RAI1: variants seen among roughly 807,000 people sequenced by gnomAD.
The protein encoded by RAI1 is retinoic acid induced 1, also known as retinoic acid-induced protein 1.
In RAI1, 9 loss-of-function variants were observed where a neutral mutation model predicts 123.8. The observed-to-expected ratio is 0.07, with a 90% CI of 0.04 to 0.13. The LOEUF is 0.13. RAI1 is among the 10% of genes least tolerant of loss of function. RAI1 has a pLI of 1.00. For synonymous variants in RAI1, 1,231 were observed against 1,127.3 expected, an observed-to-expected ratio of 1.09 and a Z score of -1.84; for missense variants, 2,256 against 2,545.8, an observed-to-expected ratio of 0.89 and a Z score of 2.45.
At chr17:17,779,229 T>A in intron 2 of RAI1, 1 of 322,400 alleles carries the variant, frequency 3.1e-6, no homozygotes, top group Non-Finnish European at 6.1e-6. Flanking sequence ...GGCTGGCTGG[T>A]GGCTGGCTCT....
intron 2 of RAI1, among the ~76,000 whole-genome samples, chr17:17,750,835 G>A (rs1295968162): frequency 6.6e-6 from 1 of 152,172 alleles, no homozygotes; most frequent in Non-Finnish European, 1.5e-5. Flanking sequence ...AGAAATTTAT[G>A]CGGGCTGAGC....
Position 17,793,576 on chromosome 17 carries a change from C to G in RAI1, c.628C>G (p.Pro210Ala). ...PLPFPQGTHF[P>A]QHSQSFPTSS... Reference sequence around the variant, plus strand: ...GCCCTTCCCCCAGGGTACCCACTTTCCTCAGCATTCCCAGTCCTTCCCCAC... The same window carrying G: ...GCCCTTCCCCCAGGGTACCCACTTTGCTCAGCATTCCCAGTCCTTCCCCAC... The change falls in exon 3 of 6, where the codon CCT becomes GCT. Residue 210 changes from proline (P) to alanine (A), a missense_variant. Physicochemically the swap from Pro to Ala is conservative, Grantham distance 27. Transcript: ENST00000353383. 1.2e-6 allele frequency: 2 copies of G among 1,613,904 alleles called. No homozygotes were observed. The highest frequency in any genetic ancestry group is 8.5e-7 in the Non-Finnish European group (1 of 1,180,004).
chr17:17,718,936 C>A (rs778112532), intron 1 of RAI1, among the ~76,000 whole-genome samples: 25 of 152,188 alleles, frequency 1.6e-4, no homozygotes, highest in Non-Finnish European at 1.2e-4. Flanking sequence ...CTCCCACCAG[C>A]CCCACTAGCA....
chr17:17,783,617 T>G (rs1476746260), intron 2 of RAI1, among the ~76,000 whole-genome samples: 1 of 152,092 alleles, frequency 6.6e-6, no homozygotes, highest in Non-Finnish European at 1.5e-5. Context: ...GCTGCAGGAC[T>G]CCAGGCGCCG....
chr17:17,791,595 G>A (rs888391837), intron 2 of RAI1, among the ~76,000 whole-genome samples: 1 of 152,176 alleles, frequency 6.6e-6, no homozygotes, highest in Non-Finnish European at 1.5e-5. Context: ...ATCCCCTCCT[G>A]GGGGCCTGGG....
At chr17:17,684,161 C>T (rs1914541209) in intron 1 of RAI1, 1 of 152,148 alleles carries the variant, frequency 6.6e-6, no homozygotes. Context: ...GAGTGAGTCA[C>T]TGCACCCAGC....
At chr17:17,772,348 G>A (rs1215568527) in intron 2 of RAI1, among the ~76,000 whole-genome samples, 4 of 152,186 alleles carry the variant, frequency 2.6e-5, no homozygotes, top group African/African-American at 9.7e-5. Context: ...CTGGGGGACA[G>A]TCCCAGCTTC....
chr17:17,692,356 C>T (rs549040278), intron 1 of RAI1, among the ~76,000 whole-genome samples: 1 of 152,352 alleles, frequency 6.6e-6, no homozygotes, highest in Admixed American at 6.5e-5. Flanking sequence ...ATATCTGTCT[C>T]TTTGGATGCT....
In RAI1 at chr17:17,791,849, C is replaced by CCCCAA. The variant is rs2032022438; in HGVS notation, c.-16-1083_-16-1082insCCAAC. Among the ~76,000 whole-genome samples, 6 of 152,256 alleles carry CCCCAA rather than the reference C, an allele frequency of 3.9e-5. No individual in the cohort carries two copies. The South Asian group carries it at 1.2e-3, about 32-fold the overall frequency. On this transcript the variant is annotated intron_variant, in intron 2 of 5. Transcript: ENST00000353383. ...TCAGATGCTCTGCTCTGAGAGGCTCCCGCAACCCACCCTGGGTCCTTTCCT... is the reference window on the plus strand; with the variant it reads ...TCAGATGCTCTGCTCTGAGAGGCTCCCCCAACGCAACCCACCCTGGGTCCTTTCCT...
intron 2 of RAI1, among the ~76,000 whole-genome samples, chr17:17,747,822 T>C (rs2029985512): frequency 6.6e-6 from 1 of 152,158 alleles, no homozygotes; most frequent in Non-Finnish European, 1.5e-5. Context: ...CCCAGTGCTT[T>C]GGGAGGTAGA....
intron 2 of RAI1, among the ~76,000 whole-genome samples, chr17:17,767,922 T>C (rs918233080): frequency 2.6e-5 from 4 of 152,228 alleles, no homozygotes; most frequent in Non-Finnish European, 5.9e-5. Flanking sequence ...ACTCCAGCCT[T>C]GAGCACTTTC....
In RAI1 at chr17:17,795,212, G is replaced by T. The variant is rs775324618; in HGVS notation, c.2264G>T (p.Cys755Phe). The change falls in exon 3 of 6, where the codon TGT becomes TTT. Residue 755 changes from cysteine to phenylalanine, a missense_variant. By Grantham distance (205) the Cys-to-Phe change is radical. Around this residue, in one of 7 missense-constraint regions of RAI1, gnomAD observed 566 missense variants for 616.0 expected, o/e 0.92. Transcript: ENST00000353383. This position sits in a 1 kb window ranked among gnomAD's most constrained non-coding sequence, Gnocchi z 5.9. ...AWPEENLGDA[C>F]PRWGLHPGEL... Reference sequence around the variant, plus strand: ...CCAGAGGAAAACCTGGGGGATGCTTGTCCCAGGTGGGGATTGCACCCTGGC... The same window carrying T: ...CCAGAGGAAAACCTGGGGGATGCTTTTCCCAGGTGGGGATTGCACCCTGGC... 1 of 1,614,010 alleles carries T rather than the reference G, an allele frequency of 6.2e-7. No individual in the cohort carries two copies. Among genetic ancestry groups the T allele is most frequent in the South Asian group, 1.1e-5 (1 of 91,074 alleles).
chr17:17,795,656 A>G lies in RAI1; in HGVS notation c.2708A>G (p.Glu903Gly), dbSNP rs767500294. 7.4e-6 allele frequency: 12 copies of G among 1,612,724 alleles called. No homozygotes were observed. In the Admixed American group the frequency reaches 1.5e-4, roughly 20 times the overall value. The change falls in exon 3 of 6, where the codon GAG (glutamate) becomes GGG (glycine). Residue 903 changes from glutamate (E) to glycine (G), a missense_variant. Glu to Gly is a moderately conservative substitution (Grantham distance 98). Transcript: ENST00000353383. The surrounding 1 kb of genome is among the most constrained non-coding windows in gnomAD (Gnocchi z 5.9). ...GCCCCACTCATCTGCACCAAGGAGG[A>G]GGTGGAGGAGGTGCTGGACTCCAAG... ...PKAPLICTKE[E>G]VEEVLDSKAG...
intron 2 of RAI1, among the ~76,000 whole-genome samples, chr17:17,739,925 A>G (rs1916565232): frequency 6.6e-6 from 1 of 152,146 alleles, no homozygotes; most frequent in African/African-American, 2.4e-5. Flanking sequence ...CCCTTCCCCC[A>G]AGCACATACA....
At chr17:17,750,834 T>C (rs1192370638) in intron 2 of RAI1, among the ~76,000 whole-genome samples, 5 of 152,188 alleles carry the variant, frequency 3.3e-5, no homozygotes, top group African/African-American at 1.2e-4. Context: ...AAGAAATTTA[T>C]GCGGGCTGAG....
Position 17,794,079 on chromosome 17 carries a change from C to G in RAI1, c.1131C>G (p.Leu377=). 1 of 1,614,094 alleles carries G rather than the reference C, an allele frequency of 6.2e-7. No individual in the cohort carries two copies. The highest frequency in any genetic ancestry group is 8.5e-7 in the Non-Finnish European group (1 of 1,180,042). Residue 377 remains leucine, a synonymous_variant, in exon 3 of 6, where the codon CTC becomes CTG. Transcript: ENST00000353383. ...ACTTTCCCTACAGCCAGCAGCCGCT[C>G]AGCACCGGGGCCTTCCCCGCAGGGA... ...LENFPYSQQP[L]STGAFPAGIT...
chr17:17,809,620 CTG>C lies in RAI1; in HGVS notation c.5709+183_5709+184del, dbSNP rs1347777323. ...CCCCGCCGCCGTCCAGCTCAGGTCC[CTG>C]TCCACTTGCGCGCCGCCGCCGCCGA... On this transcript the variant is annotated intron_variant, in intron 5 of 5. Transcript: ENST00000353383. The surrounding 1 kb of genome is among the most constrained non-coding windows in gnomAD (Gnocchi z 4.9). Among the ~76,000 whole-genome samples, 1 of 152,120 alleles carries C rather than the reference CTG, an allele frequency of 6.6e-6. No individual in the cohort carries two copies. The highest frequency in any genetic ancestry group is 6.5e-5 in the Admixed American group (1 of 15,274).
At chr17:17,806,961 C>CGGCAGTA (rs2032606122) in intron 4 of RAI1, among the ~76,000 whole-genome samples, 1 of 152,084 alleles carries the variant, frequency 6.6e-6, no homozygotes, top group Non-Finnish European at 1.5e-5. Context: ...TTTGGCCACA[C>CGGCAGTA]GGCAGTAGAG....
chr17:17,760,721 A>G lies in RAI1; in HGVS notation c.-16-32212A>G, dbSNP rs2030656768. ...AGGGAACGTGTGGAGCTAAAATAAA[A>G]TGTGTTCCAGGTGCTGGTGCCACAG... On this transcript the variant is annotated intron_variant, in intron 2 of 5. Transcript: ENST00000353383. Among the ~76,000 whole-genome samples the G allele has an allele frequency of 2.0e-5, 3 of 152,354 alleles. 1 individual carries two copies. The South Asian group carries it at 6.2e-4, about 32-fold the overall frequency.
Sources: gnomAD v4.1 joint callset for allele counts (sites outside exome capture counted in the v4.1 genomes callset) on GRCh38, gnomAD v4.1.1 for gene constraint, gnomAD v4.1.1 regional missense constraint, Gnocchi (gnomAD v3.1) non-coding constraint, MANE v1.5 for transcripts, NCBI Gene and HGNC (gene_info 2026-07-23, HGNC 2026-07-21) for gene names.